Variants in ZNF503 observed in about 807,000 individuals in gnomAD.
ZNF503 encodes NocA-like zinc finger 2.
A neutral mutation model predicts 34.4 loss-of-function variants in ZNF503; 15 were observed. The ratio of observed to expected loss-of-function variants is 0.44; its 90% CI spans 0.29 to 0.67. The LOEUF is 0.67. Among genes scored for constraint, ZNF503 ranks in the 30% least tolerant of loss-of-function variants. ZNF503 has a pLI of 0.13. For synonymous variants in ZNF503, 580 were observed against 456.8 expected, an observed-to-expected ratio of 1.27 and a Z score of -3.44; for missense variants, 1,007 against 926.8, an observed-to-expected ratio of 1.09 and a Z score of -1.12.
the ZNF503 span, among the ~76,000 whole-genome samples, chr10:75,390,139 C>T: frequency 2.6e-5 from 4 of 151,934 alleles, no homozygotes; most frequent in Non-Finnish European, 5.9e-5. Context: ...CCTCGTGATC[C>T]GCCTGCCTCA....
At chr10:75,316,434 G>A in the ZNF503 span, among the ~76,000 whole-genome samples, 1 of 150,726 alleles carries the variant, frequency 6.6e-6, no homozygotes. Context: ...ATAGTTCACT[G>A]CAGCCTCAAC....
chr10:75,303,153 C>G, the ZNF503 span, among the ~76,000 whole-genome samples: 3 of 152,286 alleles, frequency 2.0e-5, no homozygotes, highest in South Asian at 6.2e-4. Flanking sequence ...GTTCAAATTT[C>G]CAATAGAAAG....
In ZNF503 at chr10:75,399,262, G is replaced by C. The variant is rs781484126; in HGVS notation, c.1428C>G (p.His476Gln). 3.1e-6 allele frequency: 5 copies of C among 1,596,288 alleles called. No individual in the cohort carries two copies. Among genetic ancestry groups the C allele is most frequent in the African/African-American group, 2.7e-5 (2 of 74,570 alleles). ...YPLVYPTHPLHGVHSSLTAAA... is the reference protein window; with the variant it reads ...YPLVYPTHPLQGVHSSLTAAA... Reference sequence around the variant, plus strand: ...CGGCCGTTAGCGAGGAGTGCACACCGTGCAGCGGGTGCGTGGGGTACACCA... The same window carrying C: ...CGGCCGTTAGCGAGGAGTGCACACCCTGCAGCGGGTGCGTGGGGTACACCA... Residue 476 changes from histidine (H) to glutamine (Q), a missense_variant, in exon 2 of 2, where the codon CAC (histidine) becomes CAG (glutamine). Transcript: ENST00000372524.
chr10:75,331,938 T>C, the ZNF503 span, among the ~76,000 whole-genome samples: 3 of 152,154 alleles, frequency 2.0e-5, no homozygotes, highest in African/African-American at 7.2e-5. Flanking sequence ...TGTCTCTTTT[T>C]ACTGTTTTTG....
At chr10:75,332,518 C>A in the ZNF503 span, among the ~76,000 whole-genome samples, 1 of 136,086 alleles carries the variant, frequency 7.3e-6, no homozygotes, top group East Asian at 2.1e-4. Context: ...GGGTGTTTCT[C>A]ACAGAGGGGG....
chr10:75,376,373 G>T, the ZNF503 span, among the ~76,000 whole-genome samples: 1 of 152,168 alleles, frequency 6.6e-6, no homozygotes, highest in Admixed American at 6.5e-5. Context: ...ACTGGGCATG[G>T]TGGTTCATGC....
At chr10:75,303,699 C>A in the ZNF503 span, among the ~76,000 whole-genome samples, 1 of 152,188 alleles carries the variant, frequency 6.6e-6, no homozygotes, top group Admixed American at 6.6e-5. Context: ...TATTTGATCA[C>A]CCACTTGTGT....
At chr10:75,394,367 A>G (rs532243683), downstream of ZNF503, among the ~76,000 whole-genome samples, 1 of 152,246 alleles carries the variant, frequency 6.6e-6, no homozygotes, top group Non-Finnish European at 1.5e-5. Context: ...TGAGCAGGTC[A>G]GCCTGGGTTT....
At chr10:75,289,449 A>T in the ZNF503 span, among the ~76,000 whole-genome samples, 1 of 152,152 alleles carries the variant, frequency 6.6e-6, no homozygotes, top group Non-Finnish European at 1.5e-5. Context: ...GGCACACTGA[A>T]AATGGTTTGT....
chr10:75,354,751 CTT>C, the ZNF503 span, among the ~76,000 whole-genome samples: 1 of 152,126 alleles, frequency 6.6e-6, no homozygotes, highest in African/African-American at 2.4e-5. Context: ...AAACTTGAAT[CTT>C]GAATGAAAGA....
At chr10:75,284,007 T>A in the ZNF503 span, 2 of 152,256 alleles carry the variant, frequency 1.3e-5, no homozygotes, top group South Asian at 4.1e-4. Flanking sequence ...CAAAGGGTAA[T>A]GAAAGTCATA....
At position 75,401,665 on chromosome 10, in the gene ZNF503, C is replaced by T. The variant is rs1453711719; in HGVS notation, c.-246G>A. The T allele has an allele frequency of 2.0e-6, 1 of 498,964 alleles. No homozygotes were observed. The highest frequency in any genetic ancestry group is 3.5e-6 in the Non-Finnish European group (1 of 289,302). 30.9% of individuals were successfully genotyped at this position (498,964 alleles called of 1,614,324 possible). A position where few individuals can be genotyped will look rare whatever the true frequency, so the allele number is the denominator to read the frequency against. Reference sequence around the variant, plus strand: ...GACTGCGGGAGTGCCGGGCGGCTCGCGGTGTCCGCCTCGGGCTGCTCCCCT... The same window carrying T: ...GACTGCGGGAGTGCCGGGCGGCTCGTGGTGTCCGCCTCGGGCTGCTCCCCT... On this transcript the variant is annotated 5_prime_UTR_variant, in exon 1 of 2. Coordinates refer to ENST00000372524, the MANE Select transcript of ZNF503 (RefSeq NM_032772.6).
At chr10:75,329,287 T>G in the ZNF503 span, among the ~76,000 whole-genome samples, 1 of 152,166 alleles carries the variant, frequency 6.6e-6, no homozygotes. Context: ...TGAATTCATT[T>G]ATCTGTTCTA....
the ZNF503 span, among the ~76,000 whole-genome samples, chr10:75,329,386 CTTCCTTCCTTCCTTCCTTCCTTCCTTCCT>C: frequency 2.3e-5 from 2 of 86,772 alleles, no homozygotes; most frequent in Admixed American, 9.7e-5. Context: ...TTCTTTCTTC[CTTCCTTCCTTCCTTCCTTCCTTCCTTCCT>C]TTCCTTCCTT....
chr10:75,317,681 A>G, the ZNF503 span, among the ~76,000 whole-genome samples: 1 of 151,756 alleles, frequency 6.6e-6, no homozygotes, highest in Admixed American at 6.6e-5. Flanking sequence ...CTGGAGACCT[A>G]ACATATATCA....
rs1349758903 is a variant in ZNF503 at position 75,401,348 on chromosome 10, TCCGCCTCCGCCG to T, written c.60_71del (p.Gly24_Gly27del). 5.4e-6 allele frequency: 8 copies of T among 1,490,958 alleles called. No homozygotes were observed. Among genetic ancestry groups the T allele is most frequent in the African/African-American group, 5.0e-5 (2 of 39,860 alleles). 92.4% of individuals were successfully genotyped at this position (1,490,958 alleles called of 1,614,324 possible). Reference sequence around the variant, plus strand: ...TCCAGGCAGGGTCTGCACCGCCGCCTCCGCCTCCGCCGCCGCCGCCGCCGCTGTGCTTACTGC... The same window carrying T: ...TCCAGGCAGGGTCTGCACCGCCGCCTCCGCCGCCGCCGCTGTGCTTACTGC... On this transcript the variant is annotated inframe_deletion, in exon 1 of 2. Coordinates refer to ENST00000372524, the MANE Select transcript of ZNF503 (RefSeq NM_032772.6).
chr10:75,306,860 G>A, the ZNF503 span, among the ~76,000 whole-genome samples: 1 of 152,164 alleles, frequency 6.6e-6, no homozygotes, highest in Non-Finnish European at 1.5e-5. Context: ...CTTGTAAGAT[G>A]GTGAACTTAA....
chr10:75,339,942 G>A, the ZNF503 span, among the ~76,000 whole-genome samples: 2 of 151,954 alleles, frequency 1.3e-5, no homozygotes, highest in Non-Finnish European at 2.9e-5. Flanking sequence ...TAAACTGGGC[G>A]CAGTGGCTCA....
chr10:75,357,479 C>T, the ZNF503 span, among the ~76,000 whole-genome samples: 1 of 152,154 alleles, frequency 6.6e-6, no homozygotes, highest in Admixed American at 6.5e-5. Flanking sequence ...GATGGCATCA[C>T]TGCATTCCAG....
Sources: gnomAD v4.1 joint callset for allele counts (sites outside exome capture counted in the v4.1 genomes callset) on GRCh38, gnomAD v4.1.1 for gene constraint, MANE v1.5 for transcripts, NCBI Gene and HGNC (gene_info 2026-07-23, HGNC 2026-07-21) for gene names.